Variants in CFAP47 observed in about 807,000 individuals in gnomAD.
CFAP47 encodes cilia- and flagella-associated protein 47.
A neutral mutation model predicts 148.1 loss-of-function variants in CFAP47; 29 were observed. That is an observed-to-expected ratio of 0.20 (90% CI 0.15 to 0.27). The LOEUF (loss-of-function observed/expected upper bound fraction) is 0.27, where lower values mean the gene tolerates loss of function less well. Ranked by LOEUF, CFAP47 falls within the 10% of genes least tolerant of loss-of-function variation. The pLI is 1.00. For missense variants in CFAP47, 1,872 were observed against 1,697.5 expected, an observed-to-expected ratio of 1.10 and a Z score of -1.81; for synonymous variants, 664 against 577.3, an observed-to-expected ratio of 1.15 and a Z score of -2.15.
chrX:36,174,361 T>C (rs1292898505), intron 39 of CFAP47, among the ~76,000 whole-genome samples: 1 of 109,947 alleles, frequency 9.1e-6, no homozygotes, highest in Non-Finnish European at 1.9e-5. Flanking sequence ...AGCTGGTTAT[T>C]TTGCTCGTTA....
At chrX:36,272,589 G>A (rs1940972032) in intron 49 of CFAP47, among the ~76,000 whole-genome samples, 1 of 110,243 alleles carries the variant, frequency 9.1e-6, no homozygotes, top group Admixed American at 9.7e-5. Context: ...TCTGACTTCT[G>A]CTTTTTTTTC....
At chrX:35,977,568 A>G (rs1936588445) in intron 15 of CFAP47, among the ~76,000 whole-genome samples, 1 of 109,764 alleles carries the variant, frequency 9.1e-6, no homozygotes, top group South Asian at 3.9e-4. Flanking sequence ...TTCTCTTTCT[A>G]GTTCCCTTCC....
chrX:36,173,314 A>C (rs1939614592), intron 39 of CFAP47, among the ~76,000 whole-genome samples: 1 of 110,766 alleles, frequency 9.0e-6, no homozygotes, highest in South Asian at 3.8e-4. Flanking sequence ...TTCTGCTCTG[A>C]TTTTAGTTAT....
chrX:36,380,137 A>T lies in CFAP47; in HGVS notation c.9354+619A>T, dbSNP rs1027750120. Among the ~76,000 whole-genome samples, 3 of 112,267 alleles carry T rather than the reference A, an allele frequency of 2.7e-5. No homozygotes were observed. In the East Asian group the frequency reaches 8.4e-4, roughly 31 times the overall value. On this transcript the variant is annotated intron_variant, in intron 63 of 63. Transcript: ENST00000378653. ...AGCTTTCAGGCTAAATACAACTTTC[A>T]AACTACTTCTAAAAAGGTATCTATT...
Position 36,138,024 on chromosome X carries a change from C to A in CFAP47, c.5387C>A (p.Ala1796Glu). 1.1e-6 allele frequency: 1 copy of A among 940,896 alleles called. No individual in the cohort carries two copies. The highest frequency in any genetic ancestry group is 1.5e-6 in the Non-Finnish European group (1 of 654,183). The allele number at this position is 940,896 out of a possible 1,213,427, so 77.5% of individuals were successfully genotyped here. ...DKDLSDGLVF[A>E]TQLGAYCPFL... ...GACCTTTCAGATGGTCTTGTTTTTG[C>A]AACACAGTTGGGAGCCTATTGCCCA... The change falls in exon 34 of 64, where the codon GCA becomes GAA. Residue 1796 changes from alanine (A) to glutamate (E), a missense_variant. Transcript: ENST00000378653.
intron 22 of CFAP47, among the ~76,000 whole-genome samples, chrX:36,027,807 C>T (rs1353996530): frequency 1.8e-5 from 2 of 111,551 alleles, no homozygotes; most frequent in African/African-American, 3.3e-5. Flanking sequence ...TTTCCATAGC[C>T]TCACTAACAT....
At chrX:36,142,703 TTAATTTGCC>T (rs1681614003) in intron 35 of CFAP47, among the ~76,000 whole-genome samples, 1 of 111,754 alleles carries the variant, frequency 8.9e-6, no homozygotes, top group African/African-American at 3.3e-5. Flanking sequence ...AACGTATTTT[TTAATTTGCC>T]AAATTGCTGG....
At chrX:36,214,619 A>C (rs1940140125) in intron 45 of CFAP47, among the ~76,000 whole-genome samples, 1 of 110,901 alleles carries the variant, frequency 9.0e-6, no homozygotes, top group African/African-American at 3.3e-5. Context: ...TTTTACTTTA[A>C]AGTTTATTTA....
At chrX:36,066,889 G>C (rs1266369671) in intron 27 of CFAP47, among the ~76,000 whole-genome samples, 1 of 111,526 alleles carries the variant, frequency 9.0e-6, no homozygotes, top group South Asian at 3.8e-4. Flanking sequence ...AGCAGCAGAG[G>C]AAATTAAACA....
At chrX:36,262,227 A>G (rs1940837175) in intron 49 of CFAP47, among the ~76,000 whole-genome samples, 2 of 111,998 alleles carry the variant, frequency 1.8e-5, no homozygotes, top group African/African-American at 3.2e-5. Flanking sequence ...AAACAATCCA[A>G]TTACAATCTT....
chrX:36,347,618 A>G (rs1318264492), intron 57 of CFAP47, among the ~76,000 whole-genome samples: 1 of 111,860 alleles, frequency 8.9e-6, no homozygotes, highest in Non-Finnish European at 1.9e-5. Context: ...GGATGAGTTC[A>G]TGTCCTTTGC....
rs782152763 is a variant in CFAP47, at chrX:36,285,830, T to C, written c.7686+104T>C. ...TATCCCTTAAAAGGTCTGTATCAGATGATTGTATTAAGATAAATTAGTCAA... is the reference window on the plus strand; with the variant it reads ...TATCCCTTAAAAGGTCTGTATCAGACGATTGTATTAAGATAAATTAGTCAA... On this transcript the variant is annotated intron_variant, in intron 51 of 63. Coordinates refer to ENST00000378653, the MANE Select transcript of CFAP47 (RefSeq NM_001304548.2). 4 of 579,336 alleles carry C rather than the reference T, an allele frequency of 6.9e-6. No homozygotes were observed. In the African/African-American group the frequency reaches 9.6e-5, roughly 14 times the overall value. 47.7% of individuals were successfully genotyped at this position (579,336 alleles called of 1,213,427 possible). A position where few individuals can be genotyped will look rare whatever the true frequency, so the allele number is the denominator to read the frequency against.
chrX:36,104,812 A>G (rs1157534832), intron 33 of CFAP47, 121 bp downstream of exon 33: 1 of 315,250 alleles, frequency 3.2e-6, no homozygotes, highest in Admixed American at 5.9e-5. Flanking sequence ...TCCAACATTT[A>G]CTTTCTGTTC....
chrX:36,101,498 G>A (rs1370282465), intron 32 of CFAP47, among the ~76,000 whole-genome samples: 3 of 111,548 alleles, frequency 2.7e-5, no homozygotes, highest in Non-Finnish European at 3.8e-5. Flanking sequence ...AGCACCCTCA[G>A]AGTAATGAGC....
intron 29 of CFAP47, among the ~76,000 whole-genome samples, chrX:36,074,570 A>C (rs1441819443): frequency 1.8e-5 from 2 of 111,568 alleles, no homozygotes; most frequent in Non-Finnish European, 3.8e-5. Context: ...ATATTTTGGG[A>C]TCTAGTTAAT....
At chrX:36,121,791 G>A (rs1938749050) in intron 33 of CFAP47, among the ~76,000 whole-genome samples, 1 of 111,183 alleles carries the variant, frequency 9.0e-6, no homozygotes, top group Non-Finnish European at 1.9e-5. Context: ...ATTCAGTCTT[G>A]ATACATTGAA....
At chrX:36,208,218 T>C (rs1555989015) in intron 45 of CFAP47, among the ~76,000 whole-genome samples, 3 of 112,154 alleles carry the variant, frequency 2.7e-5, no homozygotes, top group South Asian at 7.4e-4. Context: ...TAATTAGCAG[T>C]TAAATTGGTG....
chrX:36,228,766 A>G lies in CFAP47; in HGVS notation c.6956A>G (p.Glu2319Gly), dbSNP rs1940300973. 2 of 525,154 alleles carry G rather than the reference A, an allele frequency of 3.8e-6. No individual in the cohort carries two copies. 43.3% of individuals were successfully genotyped at this position (525,154 alleles called of 1,213,427 possible). A position where few individuals can be genotyped will look rare whatever the true frequency, so the allele number is the denominator to read the frequency against. ...GGTATTGTGAATGAAGAACAACCAG[A>G]GGCCAAATTTGAGTTTGAAACACCA... ...VEGIVNEEQP[E>G]AKFEFETPAF... The change falls in exon 46 of 64, where the codon GAG becomes GGG. Residue 2319 changes from glutamate (E) to glycine (G), a missense_variant. Coordinates refer to ENST00000378653, the MANE Select transcript of CFAP47 (RefSeq NM_001304548.2).
chrX:36,005,458 C>T (rs1442983530), intron 21 of CFAP47, among the ~76,000 whole-genome samples: 1 of 111,960 alleles, frequency 8.9e-6, no homozygotes, highest in Non-Finnish European at 1.9e-5. Flanking sequence ...TGGTGTGTCT[C>T]GTTTAATTTC....
Sources: gnomAD v4.1 joint callset for allele counts (sites outside exome capture counted in the v4.1 genomes callset) on GRCh38, gnomAD v4.1.1 for gene constraint, MANE v1.5 for transcripts, NCBI Gene and HGNC (gene_info 2026-07-23, HGNC 2026-07-21) for gene names.